RASAL2: variants seen among roughly 807,000 people sequenced by gnomAD.
The protein encoded by RASAL2 is ras GTPase-activating protein nGAP.
Under a neutral mutation model 128.9 loss-of-function variants are expected in RASAL2, and 58 were observed. The ratio of observed to expected loss-of-function variants is 0.45; its 90% confidence interval spans 0.36 to 0.56. The LOEUF is 0.56. Among genes scored for constraint, RASAL2 ranks in the 20% least tolerant of loss-of-function variants. The pLI, the probability that RASAL2 is intolerant of heterozygous loss-of-function variation, is 0.00. For synonymous variants in RASAL2, 561 were observed against 580.8 expected, an observed-to-expected ratio of 0.97 and a Z score of 0.49; for missense variants, 1,360 against 1,601.6, an observed-to-expected ratio of 0.85 and a Z score of 2.57.
At chr1:178,151,458 A>G (rs1427218459) in intron 1 of RASAL2, among the ~76,000 whole-genome samples, 3 of 152,204 alleles carry the variant, frequency 2.0e-5, no homozygotes, top group Non-Finnish European at 2.9e-5. Context: ...ACATTAAACA[A>G]GATTATGTAT....
intron 1 of RASAL2, among the ~76,000 whole-genome samples, chr1:178,155,964 C>T (rs1190353101): frequency 6.6e-6 from 1 of 152,120 alleles, no homozygotes; most frequent in African/African-American, 2.4e-5. Flanking sequence ...GCTTGCTCTT[C>T]CCCCGACAAC....
At position 178,260,399 on chromosome 1, in the gene RASAL2, T is replaced by A. The variant is rs1490760758; in HGVS notation, c.203-23165T>A. Among the ~76,000 whole-genome samples the A allele has an allele frequency of 4.1e-3, 341 of 82,622 alleles. 30 individuals carry two copies. The highest frequency in any genetic ancestry group is 0.011 in the African/African-American group (222 of 20,974). The allele number at this position is 82,622 out of a possible 152,430, so 54.2% of individuals were successfully genotyped here. A position where few individuals can be genotyped will look rare whatever the true frequency, so the allele number is the denominator to read the frequency against. On this transcript the variant is annotated intron_variant, in intron 1 of 17. Coordinates refer to ENST00000367649, the MANE Select transcript of RASAL2 (RefSeq NM_170692.4). ...ATATATATATATATATATATATATA[T>A]ATATATATATATATATGATAATAAT...
chr1:178,150,534 A>G (rs1205671642), intron 1 of RASAL2, among the ~76,000 whole-genome samples: 2 of 152,150 alleles, frequency 1.3e-5, no homozygotes, highest in African/African-American at 2.4e-5. Flanking sequence ...GGTTTTCTCC[A>G]TAGAAGATAA....
intron 1 of RASAL2, among the ~76,000 whole-genome samples, chr1:178,229,407 A>G (rs1663914607): frequency 6.6e-6 from 1 of 152,164 alleles, no homozygotes; most frequent in South Asian, 2.1e-4. Context: ...TTGAAACTGA[A>G]CAATTCCATG....
At chr1:178,397,404 A>G (rs770267266) in intron 4 of RASAL2, among the ~76,000 whole-genome samples, 1 of 152,216 alleles carries the variant, frequency 6.6e-6, no homozygotes, top group Admixed American at 6.5e-5. Context: ...TTCCATTTAT[A>G]TGAGATGTTC....
chr1:178,384,948 T>C (rs779383671), intron 3 of RASAL2, among the ~76,000 whole-genome samples: 1 of 152,146 alleles, frequency 6.6e-6, no homozygotes, highest in African/African-American at 2.4e-5. Context: ...TTAAACGAGA[T>C]TGAACAAAAA....
intron 3 of RASAL2, among the ~76,000 whole-genome samples, chr1:178,349,192 G>C (rs1390948019): frequency 1.3e-5 from 2 of 150,530 alleles, no homozygotes; most frequent in Non-Finnish European, 3.0e-5. Context: ...AGGCTGAGGC[G>C]GGCAGATCAC....
intron 1 of RASAL2, among the ~76,000 whole-genome samples, chr1:178,126,127 A>G (rs1323160053): frequency 6.6e-6 from 1 of 152,204 alleles, no homozygotes; most frequent in Non-Finnish European, 1.5e-5. Flanking sequence ...TAGGGAAGAT[A>G]AGTATCTTGG....
intron 3 of RASAL2, among the ~76,000 whole-genome samples, chr1:178,367,565 T>C (rs2102502806): frequency 6.6e-6 from 1 of 152,284 alleles, no homozygotes; most frequent in South Asian, 2.1e-4. Context: ...TAAAATATGC[T>C]TGGCACATAT....
At chr1:178,130,125 A>G (rs574295609) in intron 1 of RASAL2, among the ~76,000 whole-genome samples, 17 of 152,308 alleles carry the variant, frequency 1.1e-4, no homozygotes, top group African/African-American at 3.8e-4. Flanking sequence ...GCAGTTTATA[A>G]AACAATTACT....
chr1:178,465,353 G>A (rs1377808809), intron 15 of RASAL2, among the ~76,000 whole-genome samples: 2 of 152,064 alleles, frequency 1.3e-5, no homozygotes, highest in African/African-American at 2.4e-5. Flanking sequence ...TTGATTCATG[G>A]GCTTAACATT....
At chr1:178,421,905 A>G (rs1242863177) in intron 5 of RASAL2, among the ~76,000 whole-genome samples, 1 of 152,054 alleles carries the variant, frequency 6.6e-6, no homozygotes, top group African/African-American at 2.4e-5. Context: ...TCATAAAAAA[A>G]GATTTTTAAA....
rs1230173829 is a variant in RASAL2 at position 178,341,567 on chromosome 1, CAT to C, written c.457+41450_457+41451del. ...TTTCTGACTGGCGTGCCGGAAAGAT[CAT>C]GTTAGCACACCCAGAAACTTCACAC... On this transcript the variant is annotated intron_variant, in intron 3 of 17. Transcript: ENST00000367649. 7.4e-6 allele frequency: 12 copies of C among 1,613,874 alleles called. No individual in the cohort carries two copies. In the South Asian group the frequency reaches 1.1e-4, roughly 15 times the overall value.
At chr1:178,200,219 C>T (rs1662815563) in intron 1 of RASAL2, among the ~76,000 whole-genome samples, 1 of 152,134 alleles carries the variant, frequency 6.6e-6, no homozygotes, top group African/African-American at 2.4e-5. Flanking sequence ...GGATGGAGTT[C>T]TTTTGTTGGT....
At chr1:178,413,337 C>T (rs972274810) in intron 4 of RASAL2, among the ~76,000 whole-genome samples, 4 of 152,116 alleles carry the variant, frequency 2.6e-5, no homozygotes, top group African/African-American at 9.7e-5. Context: ...AGGGAAATAC[C>T]CAATTCCAGC....
chr1:178,318,363 T>C (rs1668587194), intron 3 of RASAL2, among the ~76,000 whole-genome samples: 1 of 150,994 alleles, frequency 6.6e-6, no homozygotes. Context: ...ACTTTCTGTC[T>C]CGTTGATCTG....
At position 178,449,163 on chromosome 1, in the gene RASAL2, G is replaced by A. The variant is rs190694552; in HGVS notation, c.1628-2408G>A. On this transcript the variant is annotated intron_variant, in intron 9 of 17. Transcript: ENST00000367649. ...TTAAAAGTTGCCAGTAATAGTGTACGATATCTGTCTGCTTCTTAGCCAGTC... is the reference window on the plus strand; with the variant it reads ...TTAAAAGTTGCCAGTAATAGTGTACAATATCTGTCTGCTTCTTAGCCAGTC... 2.6e-5 allele frequency among the ~76,000 whole-genome samples: 4 copies of A among 152,226 alleles called. No individual in the cohort carries two copies. The East Asian group carries it at 5.8e-4, about 22-fold the overall frequency.
intron 3 of RASAL2, among the ~76,000 whole-genome samples, chr1:178,323,267 G>A (rs186333586): frequency 1.3e-5 from 2 of 152,290 alleles, no homozygotes; most frequent in East Asian, 3.9e-4. Flanking sequence ...CACCATAGCA[G>A]GTTGTTTTGT....
At chr1:178,327,247 G>T (rs12031063) in intron 3 of RASAL2, among the ~76,000 whole-genome samples, 1 of 151,972 alleles carries the variant, frequency 6.6e-6, no homozygotes, top group South Asian at 2.1e-4. Context: ...ACATTCTTCA[G>T]GCTATAAAGT....
Sources: allele counts gnomAD v4.1 joint callset (sites outside exome capture counted in the v4.1 genomes callset), GRCh38; gene constraint gnomAD v4.1.1; transcripts MANE v1.5; gene names NCBI Gene and HGNC (gene_info 2026-07-23, HGNC 2026-07-21).